The following CACNB3 variants were observed in gnomAD, a reference collection of about 807,000 sequenced individuals.
CACNB3 encodes calcium voltage-gated channel auxiliary subunit beta 3.
Under a neutral mutation model 63.7 loss-of-function variants are expected in CACNB3, and 36 were observed. The ratio of observed to expected loss-of-function variants is 0.57; its 90% CI spans 0.43 to 0.75. CACNB3 has a LOEUF of 0.75. CACNB3 is among the 30% of genes least tolerant of loss of function. The probability of loss-of-function intolerance (pLI) is 0.00; values close to 1 mark genes in which losing one functional copy is unlikely to be tolerated. For missense variants in CACNB3, 493 were observed against 648.6 expected, an observed-to-expected ratio of 0.76 and a Z score of 2.61; for synonymous variants, 241 against 250.6, an observed-to-expected ratio of 0.96 and a Z score of 0.36.
chr12:48,820,236 C>T (rs1416079916), intron 1 of CACNB3: 2 of 153,444 alleles, frequency 1.3e-5, no homozygotes, highest in African/African-American at 4.8e-5. Context: ...GAAGGGACAG[C>T]TGGTATAGCC....
At chr12:48,815,490 G>C, upstream of CACNB3, 1 of 1,334,726 alleles carries the variant, frequency 7.5e-7, no homozygotes, top group Non-Finnish European at 9.9e-7. Context: ...AGAAAGGAAG[G>C]GAGAGGGAGG....
chr12:48,825,380 G>A lies in CACNB3; in HGVS notation c.574-54G>A, dbSNP rs749358071. ...CGCATTGACTCTGGGGCCATGCATG[G>A]GGAGGCTGCTTCTCTCCAAAGGGGC... On this transcript the variant is annotated intron_variant, in intron 7 of 12. Coordinates refer to ENST00000301050, the MANE Select transcript of CACNB3 (RefSeq NM_000725.4). This position sits in a 1 kb window ranked among gnomAD's most constrained non-coding sequence, Gnocchi z 4.5. 28 of 1,601,660 alleles carry A rather than the reference G, an allele frequency of 1.7e-5. No individual in the cohort carries two copies. The South Asian group carries it at 2.5e-4, about 14-fold the overall frequency.
intron 1 of CACNB3, among the ~76,000 whole-genome samples, chr12:48,821,658 C>T (rs1201952297): frequency 1.3e-5 from 2 of 152,098 alleles, no homozygotes. Context: ...TCTGTTGGCC[C>T]CTGTCTGGTT....
chr12:48,827,982 A>G lies in CACNB3; in HGVS notation c.*83A>G. On this transcript the variant is annotated 3_prime_UTR_variant, in exon 13 of 13. Coordinates refer to ENST00000301050, the MANE Select transcript of CACNB3 (RefSeq NM_000725.4). ...CCAGGCAGGGTGGCGTTAGACTGGC[A>G]TCAGGCTGGCACTAGGCTCAGCCCC... The G allele has an allele frequency of 8.3e-7, 1 of 1,209,756 alleles. No homozygotes were observed. Among genetic ancestry groups the G allele is most frequent in the African/African-American group, 1.5e-5 (1 of 66,966 alleles). 74.9% of individuals were successfully genotyped at this position (1,209,756 alleles called of 1,614,324 possible). A position where few individuals can be genotyped will look rare whatever the true frequency, so the allele number is the denominator to read the frequency against.
Position 48,828,190 on chromosome 12 carries a change from C to A in CACNB3, c.*291C>A, listed in dbSNP as rs1325818235. ...CCACACAGGAAGCTGCCCCACTGGG[C>A]AGTGCCCTCAGGCCAGGATCCCCTT... On this transcript the variant is annotated 3_prime_UTR_variant, in exon 13 of 13. Coordinates refer to ENST00000301050, the MANE Select transcript of CACNB3 (RefSeq NM_000725.4). The A allele has an allele frequency of 8.1e-4, 390 of 483,690 alleles. 4 individuals are homozygous for A. The highest frequency in any genetic ancestry group is 1.3e-4 in the Non-Finnish European group (34 of 263,752). 30.0% of individuals were successfully genotyped at this position (483,690 alleles called of 1,614,324 possible).
At chr12:48,818,428 T>A (rs866527278), upstream of CACNB3, 18 of 986,366 alleles carry the variant, frequency 1.8e-5, no homozygotes, top group South Asian at 7.5e-4. The surrounding 1 kb of genome is among the most constrained non-coding windows in gnomAD (Gnocchi z 4.3). Flanking sequence ...GCCGAGCGTC[T>A]CTGTCTCCGC....
chr12:48,818,420 C>G (rs1298589083), upstream of CACNB3: 7 of 985,486 alleles, frequency 7.1e-6, no homozygotes, highest in Non-Finnish European at 8.4e-6. This position sits in a 1 kb window ranked among gnomAD's most constrained non-coding sequence, Gnocchi z 4.3. Context: ...CCTGGGTTGC[C>G]GAGCGTCTCT....
At position 48,818,925 on chromosome 12, in the gene CACNB3, C is replaced by A. The variant is rs774346516; in HGVS notation, c.-5C>A. ...GCCGCTCGCTCCCCCGACCCGGACTCCCCCATGTATGACGACTCCTACGTG... is the reference window on the plus strand; with the variant it reads ...GCCGCTCGCTCCCCCGACCCGGACTACCCCATGTATGACGACTCCTACGTG... On this transcript the variant is annotated 5_prime_UTR_variant, in exon 1 of 13. Transcript: ENST00000301050. This position sits in a 1 kb window ranked among gnomAD's most constrained non-coding sequence, Gnocchi z 4.3. The A allele has an allele frequency of 1.3e-6, 2 of 1,590,320 alleles. No homozygotes were observed. The highest frequency in any genetic ancestry group is 1.8e-5 in the Admixed American group (1 of 57,102).
In CACNB3 at chr12:48,818,605, GC is replaced by G. The variant is rs1158658754; in HGVS notation, c.-320del. ...TGGCCCGGGCTCCCCGGTGGCCGCCGCCCCCTCGCCGCCCCCGCCTTCTCCC... is the reference window on the plus strand; with the variant it reads ...TGGCCCGGGCTCCCCGGTGGCCGCCGCCCCTCGCCGCCCCCGCCTTCTCCC... On this transcript the variant is annotated 5_prime_UTR_variant, in exon 1 of 13. Transcript: ENST00000301050. The surrounding 1 kb of genome is among the most constrained non-coding windows in gnomAD (Gnocchi z 4.3). The G allele has an allele frequency of 1.8e-6, 2 of 1,092,514 alleles. No individual in the cohort carries two copies. Among genetic ancestry groups the G allele is most frequent in the Non-Finnish European group, 2.2e-6 (2 of 900,152 alleles). 67.7% of individuals were successfully genotyped at this position (1,092,514 alleles called of 1,614,324 possible). A position where few individuals can be genotyped will look rare whatever the true frequency, so the allele number is the denominator to read the frequency against.
At chr12:48,822,691 G>C (rs939765567) in intron 1 of CACNB3, among the ~76,000 whole-genome samples, 3 of 152,214 alleles carry the variant, frequency 2.0e-5, no homozygotes, top group African/African-American at 7.2e-5. Flanking sequence ...AGAAAAGTAG[G>C]GGGTGGGGAG....
At chr12:48,815,737 G>GA (rs1304133127), upstream of CACNB3, 1 of 1,370,146 alleles carries the variant, frequency 7.3e-7, no homozygotes, top group African/African-American at 1.8e-5. Context: ...AGGTAACCGT[G>GA]GGGGGGGTGT....
chr12:48,814,606 CG>C (rs1942241727), upstream of CACNB3: 1 of 1,475,734 alleles, frequency 6.8e-7, no homozygotes, highest in Admixed American at 2.3e-5. The surrounding 1 kb of genome is among the most constrained non-coding windows in gnomAD (Gnocchi z 6.9). Flanking sequence ...AGGAGCCCCA[CG>C]GGGTGGGAAT....
chr12:48,823,213 T>C lies in CACNB3; in HGVS notation c.46-131T>C. 1 of 1,192,248 alleles carries C rather than the reference T, an allele frequency of 8.4e-7. No homozygotes were observed. 73.9% of individuals were successfully genotyped at this position (1,192,248 alleles called of 1,614,324 possible). A position where few individuals can be genotyped will look rare whatever the true frequency, so the allele number is the denominator to read the frequency against. On this transcript the variant is annotated intron_variant, in intron 1 of 12. Coordinates refer to ENST00000301050, the MANE Select transcript of CACNB3 (RefSeq NM_000725.4). The surrounding 1 kb of genome is among the most constrained non-coding windows in gnomAD (Gnocchi z 4.2). ...CCTTCTCAGGGGATAGGAGGGGCCA[T>C]AGGGACCCAGCTATCCCCTTGGAGA...
At chr12:48,827,555 CCTCA>C (rs1239347619) in intron 12 of CACNB3, 26 bp from the exon 13 acceptor site, 4 of 1,598,162 alleles carry the variant, frequency 2.5e-6, no homozygotes, top group South Asian at 1.1e-5. Context: ...GTCTGTACTG[CCTCA>C]CTGAGAGCTG....
At chr12:48,814,790 G>A (rs1228620418), upstream of CACNB3, 1 of 412,390 alleles carries the variant, frequency 2.4e-6, no homozygotes, top group Non-Finnish European at 4.2e-6. The surrounding 1 kb of genome is among the most constrained non-coding windows in gnomAD (Gnocchi z 6.9). Context: ...CGGACCCTGC[G>A]GCCCCGGGAC....
upstream of CACNB3, chr12:48,815,755 T>C: frequency 2.0e-6 from 1 of 506,986 alleles, no homozygotes; most frequent in South Asian, 1.9e-5. Context: ...TGTGGGGTCG[T>C]GGGAAGGGGG....
At chr12:48,816,244 C>T (rs1158627999), upstream of CACNB3, among the ~76,000 whole-genome samples, 1 of 152,164 alleles carries the variant, frequency 6.6e-6, no homozygotes, top group African/African-American at 2.4e-5. Context: ...AAGAAGGTTT[C>T]AATATATTCC....
At chr12:48,817,642 A>G (rs912698408), upstream of CACNB3, among the ~76,000 whole-genome samples, 2 of 152,196 alleles carry the variant, frequency 1.3e-5, no homozygotes, top group African/African-American at 2.4e-5. Flanking sequence ...CCAAATCTCA[A>G]TGCTCCTGTA....
upstream of CACNB3, chr12:48,816,751 C>T (rs917538641): frequency 9.2e-6 from 6 of 650,722 alleles, no homozygotes; most frequent in African/African-American, 2.0e-5. Context: ...ATGGCAGATC[C>T]GCTGTTACCT....
Sources: gnomAD v4.1 joint callset for allele counts (sites outside exome capture counted in the v4.1 genomes callset) on GRCh38, gnomAD v4.1.1 for gene constraint, Gnocchi (gnomAD v3.1) non-coding constraint, MANE v1.5 for transcripts, NCBI Gene and HGNC (gene_info 2026-07-23, HGNC 2026-07-21) for gene names.